Variants in STX1A observed in about 807,000 individuals in gnomAD.
STX1A encodes the protein syntaxin 1A.
STX1A carries 4 observed loss-of-function variants against 37.8 expected under a neutral mutation model. The observed-to-expected ratio is 0.11, with a 90% confidence interval of 0.05 to 0.24. The LOEUF is 0.24. Ranked by LOEUF, STX1A falls within the 10% of genes least tolerant of loss-of-function variation. STX1A has a pLI of 1.00. For synonymous variants in STX1A, 135 were observed against 147.4 expected (o/e 0.92, Z 0.61); for missense variants, 251 against 399.9 (o/e 0.63, Z 3.18).
At position 73,702,792 on chromosome 7, in the gene STX1A, G is replaced by A. The variant is rs868906351; in HGVS notation, c.678+53C>T. On this transcript the variant is annotated intron_variant, in intron 8 of 9. Transcript: ENST00000222812. This position sits in a 1 kb window ranked among gnomAD's most constrained non-coding sequence, Gnocchi z 4.7. Reference sequence around the variant, plus strand: ...GGGCAGAAAGGGCGAGGTTAGTGCAGCCCTGGGTGCTGGTGTGGGCTGGAG... The same window carrying A: ...GGGCAGAAAGGGCGAGGTTAGTGCAACCCTGGGTGCTGGTGTGGGCTGGAG... 4.3e-6 allele frequency: 7 copies of A among 1,613,246 alleles called. No homozygotes were observed. The highest frequency in any genetic ancestry group is 1.7e-4 in the Middle Eastern group (1 of 6,040).
At chr7:73,703,702 CG>C in intron 7 of STX1A, 52 bp downstream of exon 7, 2 of 1,586,530 alleles carry the variant, frequency 1.3e-6, no homozygotes, top group Non-Finnish European at 1.7e-6. Context: ...GGGTCATGGA[CG>C]TAGGGAACAT....
Position 73,706,276 on chromosome 7 carries a change from G to A in STX1A, c.209-1052C>T, listed in dbSNP as rs549054717. Among the ~76,000 whole-genome samples the A allele has an allele frequency of 1.4e-4, 21 of 152,252 alleles. No individual in the cohort carries two copies. The highest frequency in any genetic ancestry group is 1.2e-3 in the South Asian group (6 of 4,832). ...AGCGGGGAAGGGGGGGTTCCGAGGC[G>A]CGGAGGAGGGCGCCTCATCCGTAGG... On this transcript the variant is annotated intron_variant, in intron 3 of 9. Transcript: ENST00000222812. This position sits in a 1 kb window ranked among gnomAD's most constrained non-coding sequence, Gnocchi z 4.6.
Position 73,704,191 on chromosome 7 carries a change from GTAGTCGGACTGCGTGGCGTT to G in STX1A, c.403_422del (p.Asn135ProfsTer22). 6.2e-7 allele frequency: 1 copy of G among 1,613,352 alleles called. No individual in the cohort carries two copies. Among genetic ancestry groups the G allele is most frequent in the Non-Finnish European group, 8.5e-7 (1 of 1,179,988 alleles). On this transcript the variant is annotated frameshift_variant, in exon 6 of 10. Coordinates refer to ENST00000222812, the MANE Select transcript of STX1A (RefSeq NM_004603.4). LOFTEE classifies it high-confidence loss of function. The stretch of plus-strand genomic sequence containing the variant: ...GGATGCGGCCTTTGCAGCGCTCGCG[GTAGTCGGACTGCGTGGCGTT>G]GTACTCCGACATGACCTCCACAAAC...
intron 1 of STX1A, among the ~76,000 whole-genome samples, chr7:73,713,731 A>G (rs1485204168): frequency 6.6e-6 from 1 of 152,228 alleles, no homozygotes; most frequent in Non-Finnish European, 1.5e-5. Context: ...TCCTGTCTCA[A>G]AAAAACAAAA....
At chr7:73,716,178 G>A (rs534003388) in intron 1 of STX1A, among the ~76,000 whole-genome samples, 2 of 152,364 alleles carry the variant, frequency 1.3e-5, no homozygotes, top group African/African-American at 2.4e-5. Flanking sequence ...TTCATGCTGG[G>A]AAACCTCTGG....
At chr7:73,708,985 C>T (rs1009283566) in intron 2 of STX1A, 60 bp downstream of exon 2, 15 of 1,585,582 alleles carry the variant, frequency 9.5e-6, no homozygotes, top group African/African-American at 6.7e-5. Context: ...GGCTCAGAGG[C>T]GAGAGTGGCC....
chr7:73,700,581 C>G lies in STX1A; in HGVS notation c.790-97G>C. 1 of 1,523,790 alleles carries G rather than the reference C, an allele frequency of 6.6e-7. No homozygotes were observed. The highest frequency in any genetic ancestry group is 8.9e-7 in the Non-Finnish European group (1 of 1,118,396). 94.4% of individuals were successfully genotyped at this position (1,523,790 alleles called of 1,614,324 possible). ...TGAGGACTGGACAGTCGGGGGGGAT[C>G]CAAGCAGGGGAAGGTGACGGCCTGG... On this transcript the variant is annotated intron_variant, in intron 9 of 9. Transcript: ENST00000222812. This position sits in a 1 kb window ranked among gnomAD's most constrained non-coding sequence, Gnocchi z 4.4.
chr7:73,704,023 C>A (rs1798770678), intron 6 of STX1A, 125 bp downstream of exon 6: 5 of 1,204,160 alleles, frequency 4.2e-6, no homozygotes, highest in Non-Finnish European at 5.7e-6. Context: ...AACTCAGCAG[C>A]TGCCTCGGGC....
At chr7:73,712,309 G>A (rs1799132338) in intron 1 of STX1A, among the ~76,000 whole-genome samples, 1 of 151,472 alleles carries the variant, frequency 6.6e-6, no homozygotes, top group Admixed American at 6.6e-5. Flanking sequence ...CCCTCCCCTG[G>A]GATCAGACCC....
intron 1 of STX1A, among the ~76,000 whole-genome samples, chr7:73,712,659 G>A (rs976517023): frequency 3.9e-5 from 6 of 152,018 alleles, no homozygotes; most frequent in East Asian, 1.9e-4. Flanking sequence ...TGCCCATCTC[G>A]GGCAGCCCCA....
In STX1A at chr7:73,700,475, T is replaced by C. The variant is rs782058423; in HGVS notation, c.799A>G (p.Met267Val). The C allele has an allele frequency of 6.8e-6, 11 of 1,613,820 alleles. No homozygotes were observed. The highest frequency in any genetic ancestry group is 7.6e-6 in the Non-Finnish European group (9 of 1,179,978). ...YQSKARRKKIMIIICCVILGI... is the reference protein window; with the variant it reads ...YQSKARRKKIVIIICCVILGI... ...AGGATCACACAGCAGATGATGATCA[T>C]GATTTTCTTCTGCATGGGAAGCGGG... Residue 267 changes from methionine (M) to valine (V), a missense_variant, in exon 10 of 10, where the codon ATG (methionine) becomes GTG (valine). Around this residue, in one of 2 missense-constraint regions of STX1A, gnomAD observed 214 missense variants for 367.6 expected, o/e 0.58. Transcript: ENST00000222812. The surrounding 1 kb of genome is among the most constrained non-coding windows in gnomAD (Gnocchi z 4.4).
rs782747612 is a variant in STX1A at position 73,700,810 on chromosome 7, C to G, written c.709G>C (p.Val237Leu). ...TCCACATAGTCTACCGCGTGTTCCA[C>G]ATTGTACTCGATCCTGTCAATCATC... ...GEMIDRIEYN[V>L]EHAVDYVERA... is the part of the protein sequence containing the mutation. Residue 237 changes from valine to leucine, a missense_variant, in exon 9 of 10, where the codon GTG becomes CTG. Val to Leu is a conservative substitution (Grantham distance 32). This residue lies in a region of STX1A where 214 missense variants were observed against 367.6 expected (regional missense o/e 0.58). Transcript: ENST00000222812. The surrounding 1 kb of genome is among the most constrained non-coding windows in gnomAD (Gnocchi z 4.4). 6.2e-7 allele frequency: 1 copy of G among 1,613,860 alleles called. No individual in the cohort carries two copies. The highest frequency in any genetic ancestry group is 8.5e-7 in the Non-Finnish European group (1 of 1,179,990).
intron 1 of STX1A, among the ~76,000 whole-genome samples, chr7:73,714,524 C>T (rs1305788470): frequency 6.6e-6 from 1 of 152,102 alleles, no homozygotes; most frequent in African/African-American, 2.4e-5. Context: ...CCTCAGCCTC[C>T]AGAGTAGCTG....
intron 3 of STX1A, among the ~76,000 whole-genome samples, chr7:73,707,052 G>A (rs1439345599): frequency 1.3e-5 from 2 of 152,168 alleles, no homozygotes; most frequent in Non-Finnish European, 2.9e-5. Context: ...GATGCCAGTG[G>A]GCTTGGGGGT....
At chr7:73,719,276 G>A (rs1799408643) in intron 1 of STX1A, among the ~76,000 whole-genome samples, 1 of 152,146 alleles carries the variant, frequency 6.6e-6, no homozygotes, top group South Asian at 2.1e-4. Flanking sequence ...TCTGCGGGAG[G>A]GGGAAGAGGT....
In STX1A at chr7:73,709,557, C is replaced by T. The variant is rs561081658; in HGVS notation, c.31-435G>A. ...ACACACACACACACAAACACATACA[C>T]ACATCTGTAGAGTTGAGGTCTTGCT... On this transcript the variant is annotated intron_variant, in intron 1 of 9. Transcript: ENST00000222812. This position sits in a 1 kb window ranked among gnomAD's most constrained non-coding sequence, Gnocchi z 4.2. Among the ~76,000 whole-genome samples the T allele has an allele frequency of 6.6e-6, 1 of 152,288 alleles. No homozygotes were observed. Among genetic ancestry groups the T allele is most frequent in the East Asian group, 1.9e-4 (1 of 5,178 alleles).
At chr7:73,707,216 C>T (rs1798905349) in intron 3 of STX1A, among the ~76,000 whole-genome samples, 1 of 152,236 alleles carries the variant, frequency 6.6e-6, no homozygotes, top group Non-Finnish European at 1.5e-5. Flanking sequence ...CCTATGCCAT[C>T]AGCCTGGCAT....
intron 1 of STX1A, among the ~76,000 whole-genome samples, chr7:73,710,308 C>A (rs964771457): frequency 1.3e-5 from 2 of 152,286 alleles, no homozygotes; most frequent in Non-Finnish European, 2.9e-5. Context: ...TCAGCCCACG[C>A]TGCTGGCAAG....
In STX1A at chr7:73,702,722, T is replaced by C. The variant is rs782137853; in HGVS notation, c.678+123A>G. ...TGGCGGCAGTTTCAACAGCGGGTGA[T>C]TGGTTACCTGAGAACTTGGTCCCTC... On this transcript the variant is annotated intron_variant, in intron 8 of 9. Coordinates refer to ENST00000222812, the MANE Select transcript of STX1A (RefSeq NM_004603.4). This position sits in a 1 kb window ranked among gnomAD's most constrained non-coding sequence, Gnocchi z 4.7. 1.9e-6 allele frequency: 3 copies of C among 1,557,100 alleles called. No homozygotes were observed. Among genetic ancestry groups the C allele is most frequent in the Non-Finnish European group, 2.6e-6 (3 of 1,147,936 alleles).
Sources: allele counts gnomAD v4.1 joint callset (sites outside exome capture counted in the v4.1 genomes callset), GRCh38; gene constraint gnomAD v4.1.1; regional missense constraint gnomAD v4.1.1; non-coding constraint Gnocchi (gnomAD v3.1); transcripts MANE v1.5; gene names NCBI Gene and HGNC (gene_info 2026-07-23, HGNC 2026-07-21).